DIXDC1: variants seen among roughly 807,000 people sequenced by gnomAD.
The protein encoded by DIXDC1 is DIX domain containing 1, also known as dixin.
Under a neutral mutation model 103.1 loss-of-function variants are expected in DIXDC1, and 64 were observed. The ratio of observed to expected loss-of-function variants is 0.62; its 90% CI spans 0.51 to 0.76. The LOEUF is 0.76. Among genes scored for constraint, DIXDC1 ranks in the 30% least tolerant of loss-of-function variants. The pLI is 0.00. For missense variants in DIXDC1, 759 were observed against 834.2 expected (o/e 0.91, Z 1.11); for synonymous variants, 266 against 298.5 (o/e 0.89, Z 1.12).
intron 1 of DIXDC1, among the ~76,000 whole-genome samples, chr11:111,944,711 C>T (rs1347466222): frequency 6.6e-6 from 1 of 152,166 alleles, no homozygotes; most frequent in Non-Finnish European, 1.5e-5. Context: ...CCTCGTGGTA[C>T]TATCACTGCT....
chr11:111,966,528 T>G (rs2137514429), intron 2 of DIXDC1, among the ~76,000 whole-genome samples: 1 of 149,530 alleles, frequency 6.7e-6, no homozygotes, highest in South Asian at 2.1e-4. Flanking sequence ...CTCAGCCTCC[T>G]GAGTAGCTGG....
intron 10 of DIXDC1, among the ~76,000 whole-genome samples, chr11:111,991,819 G>A (rs1860720833): frequency 6.6e-6 from 1 of 152,204 alleles, no homozygotes; most frequent in Non-Finnish European, 1.5e-5. Flanking sequence ...GGAAGCCATT[G>A]GAAGCAGGAT....
chr11:112,008,955 T>C lies in DIXDC1; in HGVS notation c.1757-7736T>C, dbSNP rs1278960968. ...AGCAAAAGGCAAGAAATAACTAAGA[T>C]TGGAGCAGAACTGAAGGAGATAGAG... On this transcript the variant is annotated intron_variant, in intron 17 of 19. Transcript: ENST00000440460. Among the ~76,000 whole-genome samples the C allele has an allele frequency of 4.6e-4, 70 of 151,852 alleles. 2 individuals carry two copies.
At position 111,995,060 on chromosome 11, in the gene DIXDC1, T is replaced by C. The variant is rs587634753; in HGVS notation, c.1479T>C (p.Phe493=). The change falls in exon 15 of 20, where the codon TTT becomes TTC. Residue 493 remains phenylalanine, a synonymous_variant. Coordinates refer to ENST00000440460, the MANE Select transcript of DIXDC1 (RefSeq NM_001037954.4). Reference sequence around the variant, plus strand: ...GTCACAACTCTCAAAGCAATGGTTTTCTCCTTCCAACGGCAGGAAAAGGAG... The same window carrying C: ...GTCACAACTCTCAAAGCAATGGTTTCCTCCTTCCAACGGCAGGAAAAGGAG... ...YNSHNSQSNG[F]LLPTAGKGAT... The C allele has an allele frequency of 2.5e-6, 4 of 1,613,820 alleles. No individual in the cohort carries two copies. In the South Asian group the frequency reaches 4.4e-5, roughly 18 times the overall value.
At chr11:112,011,124 C>T (rs1470698618) in intron 17 of DIXDC1, among the ~76,000 whole-genome samples, 1 of 152,060 alleles carries the variant, frequency 6.6e-6, no homozygotes, top group African/African-American at 2.4e-5. Flanking sequence ...TCAAACAACC[C>T]CATCAAAAAG....
intron 16 of DIXDC1, among the ~76,000 whole-genome samples, chr11:111,995,848 C>T (rs1181862632): frequency 6.6e-6 from 1 of 152,186 alleles, no homozygotes; most frequent in African/African-American, 2.4e-5. Context: ...CCCCTCCCAC[C>T]TACCCCTGAT....
chr11:112,005,532 C>A (rs1389057602), intron 17 of DIXDC1, among the ~76,000 whole-genome samples: 3 of 151,650 alleles, frequency 2.0e-5, no homozygotes, highest in East Asian at 1.9e-4. Flanking sequence ...CCTGACTCAA[C>A]AAAAAAATAA....
chr11:111,934,591 C>T (rs906724590), upstream of DIXDC1, among the ~76,000 whole-genome samples: 1 of 152,226 alleles, frequency 6.6e-6, no homozygotes, highest in Non-Finnish European at 1.5e-5. Flanking sequence ...AGCCCTCATA[C>T]TCTCCCAGCT....
At chr11:111,975,954 T>C (rs1860083087) in intron 5 of DIXDC1, 1 of 911,872 alleles carries the variant, frequency 1.1e-6, no homozygotes, top group South Asian at 5.1e-5. Flanking sequence ...ACTTATAAAA[T>C]TCACATAACA....
At position 111,958,861 on chromosome 11, in the gene DIXDC1, G is replaced by T. The variant is rs1555170796; in HGVS notation, c.61-5688G>T. ...GACTTGGAAAATGATGGGACGACCTGCCTGCGGAGAGGAGCTACCCACTCC... is the reference window on the plus strand; with the variant it reads ...GACTTGGAAAATGATGGGACGACCTTCCTGCGGAGAGGAGCTACCCACTCC... On this transcript the variant is annotated intron_variant, in intron 1 of 19. Coordinates refer to ENST00000440460, the MANE Select transcript of DIXDC1 (RefSeq NM_001037954.4). The surrounding 1 kb of genome is among the most constrained non-coding windows in gnomAD (Gnocchi z 4.2). Among the ~76,000 whole-genome samples, 2 of 152,204 alleles carry T rather than the reference G, an allele frequency of 1.3e-5. No individual in the cohort carries two copies. Among genetic ancestry groups the T allele is most frequent in the African/African-American group, 4.8e-5 (2 of 41,450 alleles).
chr11:111,932,447 G>A (rs1486214131), upstream of DIXDC1, among the ~76,000 whole-genome samples: 21 of 151,936 alleles, frequency 1.4e-4, no homozygotes, highest in African/African-American at 2.4e-5. Context: ...TTAGCCGGGC[G>A]TGGTGGCGGA....
At chr11:112,000,069 A>G (rs1555175823) in intron 17 of DIXDC1, among the ~76,000 whole-genome samples, 1 of 152,148 alleles carries the variant, frequency 6.6e-6, no homozygotes, top group African/African-American at 2.4e-5. Flanking sequence ...TGGGAGGTGG[A>G]GGTTGCAGCT....
chr11:111,944,315 CAT>C (rs1408158760), intron 1 of DIXDC1, among the ~76,000 whole-genome samples: 1 of 152,178 alleles, frequency 6.6e-6, no homozygotes, highest in African/African-American at 2.4e-5. Context: ...AGCAGGAAAA[CAT>C]AGAGTCGCCT....
At chr11:111,942,730 C>G (rs782314739) in intron 1 of DIXDC1, among the ~76,000 whole-genome samples, 4 of 152,254 alleles carry the variant, frequency 2.6e-5, no homozygotes, top group African/African-American at 9.6e-5. Flanking sequence ...AAATCTTTAG[C>G]TCTTTACTTT....
intron 17 of DIXDC1, 177 bp downstream of exon 17, chr11:111,996,323 T>C: frequency 1.9e-6 from 1 of 528,250 alleles, no homozygotes; most frequent in Non-Finnish European, 3.2e-6. Flanking sequence ...ACATATGCCA[T>C]CACCACCCCC....
At chr11:111,939,912 C>T (rs957626462) in intron 1 of DIXDC1, among the ~76,000 whole-genome samples, 1 of 152,142 alleles carries the variant, frequency 6.6e-6, no homozygotes, top group Non-Finnish European at 1.5e-5. Flanking sequence ...TCTGAGAATT[C>T]CTACTGAGTC....
At position 111,977,717 on chromosome 11, in the gene DIXDC1, C is replaced by T. The variant is rs964179762; in HGVS notation, c.656+2734C>T. The T allele has an allele frequency of 6.4e-7, 1 of 1,550,434 alleles. No homozygotes were observed. The highest frequency in any genetic ancestry group is 1.4e-5 in the African/African-American group (1 of 72,682). On this transcript the variant is annotated intron_variant, in intron 5 of 19. Transcript: ENST00000440460. This position sits in a 1 kb window ranked among gnomAD's most constrained non-coding sequence, Gnocchi z 6.1. The stretch of plus-strand genomic sequence containing the variant: ...ATTTGGGAGCGATGTGACTCTCAGC[C>T]TCCCACTTCACCCGGGGACGCAGGC...
chr11:111,983,001 G>C (rs1555173424), intron 7 of DIXDC1, among the ~76,000 whole-genome samples: 1 of 152,218 alleles, frequency 6.6e-6, no homozygotes, highest in Admixed American at 6.5e-5. Context: ...TTTACTTTGA[G>C]CAACAAAGCC....
chr11:111,934,933 A>G (rs1355777061), upstream of DIXDC1, among the ~76,000 whole-genome samples: 1 of 152,256 alleles, frequency 6.6e-6, no homozygotes, highest in Non-Finnish European at 1.5e-5. Flanking sequence ...TTTTGGTTCC[A>G]CAGTTGCATT....
Sources: gnomAD v4.1 joint callset for allele counts (sites outside exome capture counted in the v4.1 genomes callset) on GRCh38, gnomAD v4.1.1 for gene constraint, Gnocchi (gnomAD v3.1) non-coding constraint, MANE v1.5 for transcripts, NCBI Gene and HGNC (gene_info 2026-07-23, HGNC 2026-07-21) for gene names.